NRXN1: variants seen among roughly 807,000 people sequenced by gnomAD.
The protein encoded by NRXN1 is neurexin 1, also known as neurexin-1.
Under a neutral mutation model 150.9 loss-of-function variants are expected in NRXN1, and 39 were observed. That is an observed-to-expected ratio of 0.26 (90% CI 0.20 to 0.34). The LOEUF (loss-of-function observed/expected upper bound fraction) is 0.34. Among genes scored for constraint, NRXN1 ranks in the 10% least tolerant of loss-of-function variants. The pLI is 1.00. For synonymous variants in NRXN1, 924 were observed against 757.0 expected (o/e 1.22, Z -3.62); for missense variants, 1,815 against 1,949.9 (o/e 0.93, Z 1.30).
At chr2:50,008,878 A>T (rs768342262) in intron 21 of NRXN1, among the ~76,000 whole-genome samples, 2 of 152,106 alleles carry the variant, frequency 1.3e-5, no homozygotes, top group Non-Finnish European at 2.9e-5. Context: ...TAATGTCACT[A>T]GGGGGTGTAT....
chr2:50,017,850 C>A (rs1686915023), intron 21 of NRXN1, among the ~76,000 whole-genome samples: 1 of 152,014 alleles, frequency 6.6e-6, no homozygotes, highest in Non-Finnish European at 1.5e-5. Flanking sequence ...CAAAGACTTT[C>A]TAAGAGCTAT....
chr2:50,772,805 C>G (rs1172908912), intron 5 of NRXN1, among the ~76,000 whole-genome samples: 1 of 151,980 alleles, frequency 6.6e-6, no homozygotes, highest in Non-Finnish European at 1.5e-5. Flanking sequence ...AAGGGAGGTG[C>G]TTACACTGCC....
intron 18 of NRXN1, among the ~76,000 whole-genome samples, chr2:50,137,085 C>G (rs1051745307): frequency 6.6e-6 from 1 of 151,948 alleles, no homozygotes; most frequent in African/African-American, 2.4e-5. Context: ...AAAGACAAAC[C>G]AAGTAGATTT....
chr2:50,228,749 T>G (rs1428396421), intron 18 of NRXN1, among the ~76,000 whole-genome samples: 1 of 152,030 alleles, frequency 6.6e-6, no homozygotes, highest in Non-Finnish European at 1.5e-5. Flanking sequence ...CATTCTTTAT[T>G]GGGCAGGAAG....
At chr2:50,099,651 T>G (rs1700735800) in intron 18 of NRXN1, among the ~76,000 whole-genome samples, 2 of 152,160 alleles carry the variant, frequency 1.3e-5, no homozygotes, top group African/African-American at 4.8e-5. Flanking sequence ...TTCACCGTAG[T>G]TTGATGGAAG....
intron 21 of NRXN1, among the ~76,000 whole-genome samples, chr2:49,987,530 A>C (rs954126821): frequency 7.9e-5 from 12 of 152,146 alleles, no homozygotes; most frequent in Non-Finnish European, 1.6e-4. Flanking sequence ...ACTTTACAGC[A>C]TGTGGTAAGC....
intron 18 of NRXN1, among the ~76,000 whole-genome samples, chr2:50,116,149 G>A (rs763857183): frequency 7.3e-5 from 11 of 149,752 alleles, no homozygotes; most frequent in Non-Finnish European, 1.2e-4. Context: ...ACCTATAGCC[G>A]GAGTTTTTTT....
At chr2:50,689,662 T>C (rs568252024) in intron 5 of NRXN1, among the ~76,000 whole-genome samples, 1 of 152,132 alleles carries the variant, frequency 6.6e-6, no homozygotes, top group Admixed American at 6.5e-5. Flanking sequence ...AAAGAGGGAG[T>C]TCTTTCCATC....
intron 19 of NRXN1, among the ~76,000 whole-genome samples, chr2:50,083,625 A>C (rs1558840027): frequency 6.6e-6 from 1 of 152,156 alleles, no homozygotes; most frequent in Admixed American, 6.6e-5. Flanking sequence ...TGGCTCGGGC[A>C]GCCTGCTTTT....
In NRXN1 at chr2:50,810,912, G is replaced by A. The variant is rs966450069; in HGVS notation, c.832+110957C>T. On this transcript the variant is annotated intron_variant, in intron 5 of 22. Transcript: ENST00000401669. ...GGGGAATCAGTTGAACTCGAGAGGCGGTGATTGCAGTGAGCTGAGATCACA... is the reference window on the plus strand; with the variant it reads ...GGGGAATCAGTTGAACTCGAGAGGCAGTGATTGCAGTGAGCTGAGATCACA... Among the ~76,000 whole-genome samples the A allele has an allele frequency of 3.3e-5, 5 of 152,038 alleles. No individual in the cohort carries two copies. The East Asian group carries it at 7.8e-4, about 24-fold the overall frequency.
In NRXN1 at chr2:50,278,255, T is replaced by TAA. The variant is rs1491158433; in HGVS notation, c.3365-41286_3365-41285insTT. ...TATATATATATAATATATATATATA[T>TAA]TATATATATTATATATGTATTATAT... On this transcript the variant is annotated intron_variant, in intron 17 of 22. Coordinates refer to ENST00000401669, the MANE Select transcript of NRXN1 (RefSeq NM_001330078.2). Among the ~76,000 whole-genome samples, 9 of 112,548 alleles carry TAA rather than the reference T, an allele frequency of 8.0e-5. No individual in the cohort carries two copies. The Middle Eastern group carries it at 0.013, about 158-fold the overall frequency. The allele number at this position is 112,548 out of a possible 152,430, so 73.8% of individuals were successfully genotyped here.
chr2:50,208,147 C>T (rs1287716916), intron 18 of NRXN1, among the ~76,000 whole-genome samples: 4 of 152,086 alleles, frequency 2.6e-5, no homozygotes, highest in African/African-American at 9.7e-5. Context: ...GCTCATTTCC[C>T]TCCAGTGGAA....
At chr2:50,886,249 A>C (rs1337844381) in intron 5 of NRXN1, among the ~76,000 whole-genome samples, 2 of 151,376 alleles carry the variant, frequency 1.3e-5, no homozygotes, top group Non-Finnish European at 3.0e-5. Flanking sequence ...AGGAGAATGA[A>C]AGGAAAAGAG....
intron 17 of NRXN1, among the ~76,000 whole-genome samples, chr2:50,373,671 A>G (rs1188840989): frequency 1.0e-5 from 1 of 98,614 alleles, no homozygotes; most frequent in African/African-American, 5.1e-5. Flanking sequence ...AGAAAGAAAG[A>G]AAGAAAGAAA....
At chr2:50,705,072 A>ACG (rs1694247741) in intron 5 of NRXN1, among the ~76,000 whole-genome samples, 1 of 151,480 alleles carries the variant, frequency 6.6e-6, no homozygotes, top group Non-Finnish European at 1.5e-5. Flanking sequence ...ACACACACAC[A>ACG]CACACCCATC....
chr2:50,860,618 G>A (rs1177069202), intron 5 of NRXN1, among the ~76,000 whole-genome samples: 1 of 152,086 alleles, frequency 6.6e-6, no homozygotes, highest in Non-Finnish European at 1.5e-5. Context: ...GCAGAGGCAA[G>A]GCTGAGTCAG....
chr2:50,898,390 C>A (rs2103920043), intron 5 of NRXN1, among the ~76,000 whole-genome samples: 1 of 152,080 alleles, frequency 6.6e-6, no homozygotes, highest in East Asian at 1.9e-4. Context: ...AGCCCTTTTC[C>A]AAAGATGTAT....
intron 2 of NRXN1, among the ~76,000 whole-genome samples, chr2:50,978,288 ATAT>A (rs1213121999): frequency 2.3e-5 from 3 of 127,676 alleles, no homozygotes; most frequent in African/African-American, 2.9e-5. Context: ...ATATATATAT[ATAT>A]ATATATATAT....
chr2:50,425,240 A>T (rs144012437), intron 17 of NRXN1, among the ~76,000 whole-genome samples: 1 of 152,248 alleles, frequency 6.6e-6, no homozygotes, highest in African/African-American at 2.4e-5. Context: ...CATAACAACT[A>T]GGAAACTAAG....
Sources: gnomAD v4.1 joint callset for allele counts (sites outside exome capture counted in the v4.1 genomes callset) on GRCh38, gnomAD v4.1.1 for gene constraint, MANE v1.5 for transcripts, NCBI Gene and HGNC (gene_info 2026-07-23, HGNC 2026-07-21) for gene names.